SLCO1B1: variants seen among roughly 807,000 people sequenced by gnomAD.
SLCO1B1 encodes OATP-2.
SLCO1B1 carries 81 observed loss-of-function variants against 70.1 expected under a neutral mutation model. The ratio of observed to expected loss-of-function variants is 1.16; its 90% CI spans 0.97 to 1.39. SLCO1B1 has a LOEUF of 1.39. Ranked by LOEUF, SLCO1B1 falls within the 40% of genes most tolerant of loss-of-function variation. The pLI is 0.00. For missense variants in SLCO1B1, 895 were observed against 799.6 expected, an observed-to-expected ratio of 1.12 and a Z score of -1.44; for synonymous variants, 283 against 271.5, an observed-to-expected ratio of 1.04 and a Z score of -0.42.
intron 4 of SLCO1B1, 137 bp downstream of exon 4, chr12:21,174,846 T>A (rs1176888866): frequency 1.3e-6 from 1 of 796,276 alleles, no homozygotes; most frequent in Non-Finnish European, 2.0e-6. Flanking sequence ...AGAAATGAAA[T>A]AGTGTCTATT....
intron 10 of SLCO1B1, among the ~76,000 whole-genome samples, chr12:21,204,162 G>C (rs906935732): frequency 6.6e-6 from 1 of 151,642 alleles, no homozygotes; most frequent in African/African-American, 2.4e-5. Context: ...ATGAATTATT[G>C]CAGAGGTCTC....
chr12:21,210,689 T>A (rs1941272314), intron 11 of SLCO1B1, among the ~76,000 whole-genome samples: 1 of 149,026 alleles, frequency 6.7e-6, no homozygotes, highest in African/African-American at 2.5e-5. Flanking sequence ...TTCCTACCCA[T>A]GAGCATGGAA....
intron 4 of SLCO1B1, among the ~76,000 whole-genome samples, chr12:21,175,470 T>C (rs977963743): frequency 1.3e-5 from 2 of 152,120 alleles, no homozygotes; most frequent in African/African-American, 4.8e-5. Context: ...AGTTACCAAG[T>C]TCCCGGTTAA....
intron 1 of SLCO1B1, among the ~76,000 whole-genome samples, chr12:21,134,436 G>C (rs1215610247): frequency 1.3e-5 from 2 of 152,166 alleles, no homozygotes; most frequent in Non-Finnish European, 2.9e-5. Flanking sequence ...ACCTCTGGTA[G>C]AATTCGGCTG....
chr12:21,204,363 G>A (rs1941189752), intron 10 of SLCO1B1, among the ~76,000 whole-genome samples: 1 of 151,820 alleles, frequency 6.6e-6, no homozygotes, highest in Non-Finnish European at 1.5e-5. Flanking sequence ...TAAAATATGT[G>A]TGCTTATGTA....
intron 2 of SLCO1B1, among the ~76,000 whole-genome samples, chr12:21,148,109 C>T (rs192778272): frequency 6.6e-6 from 1 of 152,248 alleles, no homozygotes; most frequent in East Asian, 1.9e-4. Flanking sequence ...TGGATATTAG[C>T]TCTTTGTCAG....
intron 2 of SLCO1B1, among the ~76,000 whole-genome samples, chr12:21,163,941 TG>T (rs1345766157): frequency 8.9e-6 from 1 of 112,824 alleles, no homozygotes; most frequent in Non-Finnish European, 2.1e-5. Flanking sequence ...AACAAATCAC[TG>T]AAAAAAAAAA....
chr12:21,217,915 A>G (rs890953448), intron 12 of SLCO1B1, among the ~76,000 whole-genome samples: 1 of 152,182 alleles, frequency 6.6e-6, no homozygotes, highest in Non-Finnish European at 1.5e-5. Flanking sequence ...ATTACAGGAA[A>G]GACTGGTGTG....
intron 14 of SLCO1B1, among the ~76,000 whole-genome samples, chr12:21,226,403 G>T (rs1207660267): frequency 6.7e-6 from 1 of 150,314 alleles, no homozygotes; most frequent in South Asian, 2.1e-4. Context: ...GACAGAGCGA[G>T]ACTCTGTCTC....
chr12:21,222,423 TATATACAC>T lies in SLCO1B1; in HGVS notation c.1747+61_1747+68del, dbSNP rs1179003395. The stretch of plus-strand genomic sequence containing the variant: ...ATATATATATATATATATATATATA[TATATACAC>T]ACACACATACATATATTAAATTTAA... On this transcript the variant is annotated intron_variant, in intron 13 of 14. Transcript: ENST00000256958. 4.1e-3 allele frequency: 594 copies of T among 146,080 alleles called. 4 individuals are homozygous for T. The highest frequency in any genetic ancestry group is 7.1e-3 in the African/African-American group (157 of 22,200). The allele number at this position is 146,080 out of a possible 1,614,324, so 9.0% of individuals were successfully genotyped here.
Position 21,142,887 on chromosome 12 carries a change from G to C in SLCO1B1, c.84+1229G>C, listed in dbSNP as rs74997957. ...TATAGCATATCTGGAGAAGCTGGGA[G>C]TTAGGGAATTAGCAGTGTGTGGAAA... is the stretch of plus-strand genomic sequence containing the variant. On this transcript the variant is annotated intron_variant, in intron 2 of 14. Transcript: ENST00000256958. Among the ~76,000 whole-genome samples, 927 of 152,214 alleles carry C rather than the reference G, an allele frequency of 6.1e-3. 11 individuals are homozygous for C. The highest frequency in any genetic ancestry group is 0.021 in the African/African-American group (883 of 41,564).
intron 7 of SLCO1B1, among the ~76,000 whole-genome samples, chr12:21,195,142 C>T (rs184271031): frequency 5.9e-5 from 9 of 152,310 alleles, no homozygotes; most frequent in Admixed American, 2.6e-4. Context: ...TATCAGCCTC[C>T]AAGTCTTCAT....
chr12:21,144,315 A>G (rs1029737365), intron 2 of SLCO1B1, among the ~76,000 whole-genome samples: 4 of 152,134 alleles, frequency 2.6e-5, no homozygotes, highest in African/African-American at 9.7e-5. Context: ...AGCTTAAGAA[A>G]GAATCTCAGA....
chr12:21,145,189 A>G (rs1334675810), intron 2 of SLCO1B1, among the ~76,000 whole-genome samples: 5 of 152,190 alleles, frequency 3.3e-5, no homozygotes, highest in Admixed American at 2.6e-4. Context: ...CATCCATAAG[A>G]TAGAAAATGA....
At position 21,217,226 on chromosome 12, in the gene SLCO1B1, CT is replaced by C; in HGVS notation, c.1611del (p.Phe537LeufsTer7). 2 of 1,613,694 alleles carry C rather than the reference CT, an allele frequency of 1.2e-6. No individual in the cohort carries two copies. The highest frequency in any genetic ancestry group is 1.7e-4 in the Middle Eastern group (1 of 6,052). On this transcript the variant is annotated frameshift_variant, in exon 12 of 15. Coordinates refer to ENST00000256958, the MANE Select transcript of SLCO1B1 (RefSeq NM_006446.5). LOFTEE classifies it high-confidence loss of function. ...RDDACTRKFY[F>X]FVAIQVLNLF... ...ATGATGCTTGTACAAGGAAATTTTACTTTTTTGTTGCAATACAAGTCTTGAA... is the reference window on the plus strand; with the variant it reads ...ATGATGCTTGTACAAGGAAATTTTACTTTTTGTTGCAATACAAGTCTTGAA...
At chr12:21,166,985 A>G (rs1294735872) in intron 2 of SLCO1B1, among the ~76,000 whole-genome samples, 1 of 152,218 alleles carries the variant, frequency 6.6e-6, no homozygotes, top group Non-Finnish European at 1.5e-5. Flanking sequence ...AATGAGACAT[A>G]ACCAATGAAA....
chr12:21,222,129 G>A (rs11045874), intron 12 of SLCO1B1, among the ~76,000 whole-genome samples, 171 bp from the exon 13 acceptor site: 2 of 151,266 alleles, frequency 1.3e-5, no homozygotes, highest in Admixed American at 6.6e-5. Context: ...TATTATTATT[G>A]CTCAAGTGTT....
chr12:21,142,578 G>T (rs936417603), intron 2 of SLCO1B1, among the ~76,000 whole-genome samples: 2 of 151,900 alleles, frequency 1.3e-5, no homozygotes, highest in Middle Eastern at 3.4e-3. Context: ...GTTATAAAAG[G>T]TTCCTTTTAG....
chr12:21,196,826 A>G, intron 7 of SLCO1B1, 120 bp from the exon 8 acceptor site: 1 of 1,043,178 alleles, frequency 9.6e-7, no homozygotes, highest in Non-Finnish European at 1.4e-6. Flanking sequence ...AAAAATTAAA[A>G]GAAAAAAATC....
Sources: gnomAD v4.1 joint callset for allele counts (sites outside exome capture counted in the v4.1 genomes callset) on GRCh38, gnomAD v4.1.1 for gene constraint, MANE v1.5 for transcripts, NCBI Gene and HGNC (gene_info 2026-07-23, HGNC 2026-07-21) for gene names.